Variants in SAMD5 observed in about 807,000 individuals in gnomAD.
The protein encoded by SAMD5 is sterile alpha motif domain containing 5.
In SAMD5, 13 loss-of-function variants were observed where a neutral mutation model predicts 11.3. The observed-to-expected ratio is 1.15, with a 90% confidence interval of 0.75 to 1.83. The LOEUF is 1.83. SAMD5 is among the 40% of genes most tolerant of loss of function. The probability of loss-of-function intolerance (pLI) is 0.00; values close to 1 mark genes in which losing one functional copy is unlikely to be tolerated. For missense variants in SAMD5, 255 were observed against 239.1 expected (o/e 1.07, Z -0.44); for synonymous variants, 129 against 111.3 (o/e 1.16, Z -1.00).
chr6:147,604,889 A>T (rs993982416), intron 1 of SAMD5, among the ~76,000 whole-genome samples: 29 of 152,230 alleles, frequency 1.9e-4, no homozygotes, highest in African/African-American at 6.5e-4. Context: ...ACTTTTAAAA[A>T]TTTAATAAAA....
intron 1 of SAMD5, among the ~76,000 whole-genome samples, chr6:147,636,650 G>T (rs1400689780): frequency 1.3e-5 from 2 of 152,152 alleles, no homozygotes; most frequent in Admixed American, 6.6e-5. Flanking sequence ...CTGCCCAATG[G>T]TTAGGCATTT....
intron 1 of SAMD5, among the ~76,000 whole-genome samples, chr6:147,614,483 T>C (rs909047813): frequency 5.4e-5 from 8 of 148,108 alleles, no homozygotes; most frequent in Admixed American, 5.4e-4. Flanking sequence ...AAAAAAAAGA[T>C]AAGCTGATAA....
chr6:147,598,916 A>C (rs950543651), intron 1 of SAMD5, among the ~76,000 whole-genome samples: 1 of 152,208 alleles, frequency 6.6e-6, no homozygotes, highest in African/African-American at 2.4e-5. Flanking sequence ...ACAAATTAAA[A>C]AGACAAAGGC....
At chr6:147,746,486 C>T in the SAMD5 span, among the ~76,000 whole-genome samples, 1 of 152,194 alleles carries the variant, frequency 6.6e-6, no homozygotes, top group African/African-American at 2.4e-5. Context: ...CTTTCCACTT[C>T]ACTTTCATGT....
chr6:147,584,317 G>A (rs938097335), intron 1 of SAMD5, among the ~76,000 whole-genome samples: 1 of 152,150 alleles, frequency 6.6e-6, no homozygotes, highest in Non-Finnish European at 1.5e-5. Context: ...GTTTGTCAAA[G>A]AACTATCTTT....
downstream of SAMD5, among the ~76,000 whole-genome samples, chr6:147,740,642 G>C (rs905025450): frequency 6.6e-6 from 1 of 152,098 alleles, no homozygotes; most frequent in African/African-American, 2.4e-5. Context: ...TTCAGCTCTT[G>C]CTTCAGAATA....
At chr6:147,697,283 A>G (rs752076914) in intron 1 of SAMD5, among the ~76,000 whole-genome samples, 1 of 152,184 alleles carries the variant, frequency 6.6e-6, no homozygotes, top group Non-Finnish European at 1.5e-5. Context: ...TGGATTCTAA[A>G]ATGAACCTAA....
rs754011315 is a variant in SAMD5 at position 147,508,928 on chromosome 6, C to T, written c.-1C>T. 1.3e-6 allele frequency: 2 copies of T among 1,590,076 alleles called. No homozygotes were observed. The highest frequency in any genetic ancestry group is 1.4e-5 in the African/African-American group (1 of 73,220). On this transcript the variant is annotated 5_prime_UTR_variant, in exon 1 of 2. Coordinates refer to ENST00000367474, the MANE Select transcript of SAMD5 (RefSeq NM_001030060.3). ...TCGGCGGCGGGGTTCCCGGTCCCACCATGTGCACCAACATAGTTTACGAGT... is the reference window on the plus strand; with the variant it reads ...TCGGCGGCGGGGTTCCCGGTCCCACTATGTGCACCAACATAGTTTACGAGT...
At chr6:147,534,496 G>A (rs755158518) in intron 1 of SAMD5, among the ~76,000 whole-genome samples, 6 of 152,296 alleles carry the variant, frequency 3.9e-5, no homozygotes, top group African/African-American at 9.6e-5. Context: ...ACACAGAGCC[G>A]GCTGTGCGGG....
chr6:147,811,830 A>G, the SAMD5 span, among the ~76,000 whole-genome samples: 2 of 152,218 alleles, frequency 1.3e-5, no homozygotes, highest in Admixed American at 1.3e-4. Flanking sequence ...TGATGAGTTC[A>G]CTTTTGACAT....
chr6:147,836,649 A>G, the SAMD5 span, among the ~76,000 whole-genome samples: 2 of 152,238 alleles, frequency 1.3e-5, no homozygotes, highest in Non-Finnish European at 2.9e-5. Flanking sequence ...TACTGAATGC[A>G]AATTACTTCT....
the SAMD5 span, among the ~76,000 whole-genome samples, chr6:147,935,996 C>T: frequency 1.3e-5 from 2 of 152,142 alleles, no homozygotes; most frequent in Non-Finnish European, 2.9e-5. Flanking sequence ...TCCTATATTG[C>T]TGCACAAACT....
chr6:147,939,237 G>T, the SAMD5 span, among the ~76,000 whole-genome samples: 15,370 of 152,146 alleles, frequency 0.1, 1,059 homozygotes, highest in South Asian at 0.29. Context: ...GTGTTCACTG[G>T]CCCTGAAGGT....
intron 1 of SAMD5, among the ~76,000 whole-genome samples, chr6:147,511,276 T>C (rs1453612963): frequency 1.3e-5 from 2 of 152,184 alleles, no homozygotes; most frequent in Non-Finnish European, 2.9e-5. Context: ...ATATCAAACA[T>C]AGAGGCTGGA....
At chr6:147,620,418 A>C (rs755858183) in intron 1 of SAMD5, among the ~76,000 whole-genome samples, 1 of 152,210 alleles carries the variant, frequency 6.6e-6, no homozygotes, top group African/African-American at 2.4e-5. Flanking sequence ...ACAGCATTTG[A>C]TTCGCATTTC....
intron 1 of SAMD5, among the ~76,000 whole-genome samples, chr6:147,660,110 G>A (rs1790626512): frequency 6.6e-6 from 1 of 152,202 alleles, no homozygotes; most frequent in African/African-American, 2.4e-5. Flanking sequence ...GTCTTCTTGA[G>A]AGTCTTGAAT....
At chr6:147,877,790 C>T in the SAMD5 span, among the ~76,000 whole-genome samples, 2 of 151,454 alleles carry the variant, frequency 1.3e-5, no homozygotes, top group Admixed American at 1.3e-4. Context: ...CTTGTAAGCC[C>T]CTACAATCAC....
At chr6:147,703,122 C>T (rs942755827) in intron 1 of SAMD5, among the ~76,000 whole-genome samples, 3 of 152,078 alleles carry the variant, frequency 2.0e-5, no homozygotes, top group African/African-American at 7.2e-5. Flanking sequence ...GGCTGGAGTG[C>T]AATGGTATGA....
At chr6:147,518,964 A>G (rs1788212623) in intron 1 of SAMD5, among the ~76,000 whole-genome samples, 1 of 152,252 alleles carries the variant, frequency 6.6e-6, no homozygotes, top group African/African-American at 2.4e-5. Flanking sequence ...AATCTGTCTT[A>G]CATAAAGACT....
Sources: gnomAD v4.1 joint callset for allele counts (sites outside exome capture counted in the v4.1 genomes callset) on GRCh38, gnomAD v4.1.1 for gene constraint, MANE v1.5 for transcripts, NCBI Gene and HGNC (gene_info 2026-07-23, HGNC 2026-07-21) for gene names.